The following RASAL2 variants were observed in gnomAD, a reference collection of about 807,000 sequenced individuals.
RASAL2 encodes RAS protein activator like 2, also known as ras GTPase-activating protein nGAP.
A neutral mutation model predicts 128.9 loss-of-function variants in RASAL2; 58 were observed. The observed-to-expected ratio is 0.45, with a 90% CI of 0.36 to 0.56. The LOEUF (loss-of-function observed/expected upper bound fraction) is 0.56. RASAL2 is among the 20% of genes least tolerant of loss of function. The pLI is 0.00. For missense variants in RASAL2, 1,360 were observed against 1,601.6 expected (o/e 0.85, Z 2.57); for synonymous variants, 561 against 580.8 (o/e 0.97, Z 0.49).
chr1:178,268,200 T>C (rs1481335432), intron 1 of RASAL2, among the ~76,000 whole-genome samples: 1 of 152,084 alleles, frequency 6.6e-6, no homozygotes, highest in Non-Finnish European at 1.5e-5. Flanking sequence ...CTGGGCGCAA[T>C]GGCTCCCACC....
At chr1:178,221,967 G>A (rs1409658337) in intron 1 of RASAL2, among the ~76,000 whole-genome samples, 3 of 152,106 alleles carry the variant, frequency 2.0e-5, no homozygotes, top group African/African-American at 7.2e-5. Context: ...ATTAAGGATT[G>A]TTAAATTTTC....
chr1:178,228,408 C>T (rs766462577), intron 1 of RASAL2, among the ~76,000 whole-genome samples: 1 of 151,736 alleles, frequency 6.6e-6, no homozygotes, highest in Non-Finnish European at 1.5e-5. Flanking sequence ...GGTGAAACCC[C>T]GTCTCTACTT....
At chr1:178,191,122 T>C (rs996892041) in intron 1 of RASAL2, among the ~76,000 whole-genome samples, 1 of 152,190 alleles carries the variant, frequency 6.6e-6, no homozygotes, top group Non-Finnish European at 1.5e-5. Flanking sequence ...TGATCCTTAA[T>C]TAAAATCATC....
At chr1:178,102,690 TA>T (rs948211604) in intron 1 of RASAL2, among the ~76,000 whole-genome samples, 35 of 152,348 alleles carry the variant, frequency 2.3e-4, no homozygotes, top group African/African-American at 7.5e-4. Context: ...CACATTTTTT[TA>T]AATATGTTAT....
intron 3 of RASAL2, among the ~76,000 whole-genome samples, chr1:178,318,776 G>A (rs1404808178): frequency 3.9e-5 from 6 of 151,922 alleles, no homozygotes; most frequent in African/African-American, 7.3e-5. Flanking sequence ...TTTAATTGGA[G>A]CATTTAGTCC....
In RASAL2 at chr1:178,459,035, G is replaced by A. The variant is rs144078960; in HGVS notation, c.3252+491G>A. Among the ~76,000 whole-genome samples, 128 of 152,102 alleles carry A rather than the reference G, an allele frequency of 8.4e-4. 1 individual carries two copies. The highest frequency in any genetic ancestry group is 2.9e-3 in the African/African-American group (121 of 41,486). On this transcript the variant is annotated intron_variant, in intron 14 of 17. Coordinates refer to ENST00000367649, the MANE Select transcript of RASAL2 (RefSeq NM_170692.4). ...ACAAAGTCCCATGTGGCTTTTCCTG[G>A]AAATAGCTAGAAAAATAAACACTTG...
chr1:178,192,592 CACAT>C (rs1429405448), intron 1 of RASAL2, among the ~76,000 whole-genome samples: 1 of 152,072 alleles, frequency 6.6e-6, no homozygotes, highest in African/African-American at 2.4e-5. Context: ...TATACACACA[CACAT>C]ACATGTGATG....
rs185127803 is a variant in RASAL2, at chr1:178,281,321, G to A, written c.203-2243G>A. Among the ~76,000 whole-genome samples, 165 of 151,962 alleles carry A rather than the reference G, an allele frequency of 1.1e-3. 1 individual carries two copies. The highest frequency in any genetic ancestry group is 3.7e-3 in the African/African-American group (154 of 41,478). On this transcript the variant is annotated intron_variant, in intron 1 of 17. Coordinates refer to ENST00000367649, the MANE Select transcript of RASAL2 (RefSeq NM_170692.4). ...CTTTAGCACTAGAGGGGGATGGTTC[G>A]GGGTTCCAGAATGTTTTTTTGAGAC...
chr1:178,233,332 GCTAT>G (rs1419992114), intron 1 of RASAL2, among the ~76,000 whole-genome samples: 3 of 152,214 alleles, frequency 2.0e-5, no homozygotes, highest in African/African-American at 7.2e-5. Context: ...TGTCCTCCAA[GCTAT>G]CGAAGATCTT....
intron 1 of RASAL2, among the ~76,000 whole-genome samples, chr1:178,107,082 T>C (rs992975485): frequency 3.9e-5 from 6 of 152,128 alleles, no homozygotes; most frequent in African/African-American, 1.4e-4. Context: ...TTTTTTTCTG[T>C]CAACAAACTT....
chr1:178,104,086 C>G (rs984750337), intron 1 of RASAL2, among the ~76,000 whole-genome samples: 57 of 151,956 alleles, frequency 3.8e-4, no homozygotes, highest in African/African-American at 1.2e-3. Context: ...AAATAATTCT[C>G]TCTTGGTTTA....
At chr1:178,180,315 T>C (rs1286029968) in intron 1 of RASAL2, among the ~76,000 whole-genome samples, 2 of 151,818 alleles carry the variant, frequency 1.3e-5, no homozygotes, top group African/African-American at 4.8e-5. Flanking sequence ...ATCTTTCCCT[T>C]TACCATTCTT....
At chr1:178,308,357 C>A (rs1391322110) in intron 3 of RASAL2, among the ~76,000 whole-genome samples, 2 of 151,896 alleles carry the variant, frequency 1.3e-5, no homozygotes, top group African/African-American at 2.4e-5. Flanking sequence ...GAAAAGCCAG[C>A]CTTTTACTTT....
At chr1:178,331,891 C>T (rs529947638) in intron 3 of RASAL2, among the ~76,000 whole-genome samples, 1 of 152,124 alleles carries the variant, frequency 6.6e-6, no homozygotes, top group East Asian at 1.9e-4. Context: ...CCAGCCACTT[C>T]ATGCATCATT....
At chr1:178,266,690 G>T (rs989651028) in intron 1 of RASAL2, among the ~76,000 whole-genome samples, 1 of 152,210 alleles carries the variant, frequency 6.6e-6, no homozygotes, top group South Asian at 2.1e-4. Context: ...CCTCAAGTGC[G>T]GCAGAAACCA....
intron 5 of RASAL2, among the ~76,000 whole-genome samples, chr1:178,435,124 T>G (rs1676173398): frequency 6.6e-6 from 1 of 151,972 alleles, no homozygotes. Flanking sequence ...CAGTCTGGAA[T>G]CACAACTGCC....
intron 4 of RASAL2, chr1:178,411,470 T>C (rs1674381036): frequency 2.0e-6 from 1 of 493,898 alleles, no homozygotes; most frequent in Admixed American, 3.1e-5. Context: ...AGGTGATGGG[T>C]GCCCCAAAAT....
rs751466833 is a variant in RASAL2 at position 178,442,978 on chromosome 1, G to T, written c.1231G>T (p.Val411Leu). 1 of 1,614,028 alleles carries T rather than the reference G, an allele frequency of 6.2e-7. No homozygotes were observed. Among genetic ancestry groups the T allele is most frequent in the Non-Finnish European group, 8.5e-7 (1 of 1,179,958 alleles). Residue 411 changes from valine (V) to leucine (L), a missense_variant, in exon 8 of 18, where the codon GTA becomes TTA. Val to Leu is a conservative substitution (Grantham distance 32). Around this residue, in one of 3 missense-constraint regions of RASAL2, gnomAD observed 617 missense variants for 714.2 expected, o/e 0.86. Transcript: ENST00000367649. ...TGCCAGTGTGACTGGTCGCCAATTT[G>T]TAGAAAAGTGGTATCCAGTGAGTAC... ...PTASVTGRQFVEKWYPVSTPT... is the reference protein window; with the variant it reads ...PTASVTGRQFLEKWYPVSTPT...
At chr1:178,442,576 C>T (rs1451351203) in intron 7 of RASAL2, 99 bp from the exon 8 acceptor site, 1 of 976,910 alleles carries the variant, frequency 1.0e-6, no homozygotes, top group Non-Finnish European at 1.5e-6. Context: ...TGTTGACTCC[C>T]CTTAATAGAG....
Sources: gnomAD v4.1 joint callset for allele counts (sites outside exome capture counted in the v4.1 genomes callset) on GRCh38, gnomAD v4.1.1 for gene constraint, gnomAD v4.1.1 regional missense constraint, MANE v1.5 for transcripts, NCBI Gene and HGNC (gene_info 2026-07-23, HGNC 2026-07-21) for gene names.